The following ALCAM variants were observed in gnomAD, a reference collection of about 807,000 sequenced individuals.
ALCAM encodes the protein activated leukocyte cell adhesion molecule.
Under a neutral mutation model 70.9 loss-of-function variants are expected in ALCAM, and 30 were observed. That is an observed-to-expected ratio of 0.42 (90% CI 0.32 to 0.57). ALCAM has a LOEUF of 0.57. ALCAM is among the 20% of genes least tolerant of loss of function. ALCAM has a pLI of 0.11. For missense variants in ALCAM, 591 were observed against 695.1 expected (o/e 0.85, Z 1.68); for synonymous variants, 249 against 242.5 (o/e 1.03, Z -0.25).
Position 105,576,789 on chromosome 3 carries a change from G to A in ALCAM, c.*2338G>A, listed in dbSNP as rs1940969138. ...TTAACTCTTTGGCAACAGGAAACAG[G>A]TTTTGCAAGTTCAAGGTTCACTCCC... On this transcript the variant is annotated 3_prime_UTR_variant, in exon 16 of 16. Transcript: ENST00000306107. 6.6e-6 allele frequency: 1 copy of A among 152,182 alleles called. No homozygotes were observed. The highest frequency in any genetic ancestry group is 2.4e-5 in the African/African-American group (1 of 41,426). 9.4% of individuals were successfully genotyped at this position (152,182 alleles called of 1,614,324 possible).
chr3:105,411,488 C>T (rs543927103), intron 1 of ALCAM, among the ~76,000 whole-genome samples: 1 of 152,142 alleles, frequency 6.6e-6, no homozygotes, highest in East Asian at 1.9e-4. Context: ...GTAACAATGG[C>T]ATCAGGAGCA....
chr3:105,469,345 A>G (rs1244486442), intron 1 of ALCAM, among the ~76,000 whole-genome samples: 1 of 151,204 alleles, frequency 6.6e-6, no homozygotes, highest in Non-Finnish European at 1.5e-5. Context: ...TACACACAGC[A>G]CTTGTCCTTC....
chr3:105,377,170 A>G (rs2107326446), intron 1 of ALCAM, among the ~76,000 whole-genome samples: 1 of 152,266 alleles, frequency 6.6e-6, no homozygotes, highest in East Asian at 1.9e-4. Context: ...CAGCACCTAT[A>G]GCTCTACCTC....
At chr3:105,480,210 C>T (rs559130631) in intron 1 of ALCAM, among the ~76,000 whole-genome samples, 6 of 152,014 alleles carry the variant, frequency 3.9e-5, no homozygotes, top group East Asian at 1.9e-4. Context: ...ATTAGCCATG[C>T]GTGGTGGCAC....
chr3:105,411,142 T>G (rs1018417242), intron 1 of ALCAM, among the ~76,000 whole-genome samples: 12 of 152,062 alleles, frequency 7.9e-5, no homozygotes, highest in Non-Finnish European at 1.5e-4. Context: ...TCAGGAATAG[T>G]GAAGGGCCAG....
chr3:105,569,240 G>T (rs1286385238), intron 14 of ALCAM, among the ~76,000 whole-genome samples: 1 of 151,544 alleles, frequency 6.6e-6, no homozygotes, highest in Non-Finnish European at 1.5e-5. Flanking sequence ...AAAAGGAGAA[G>T]TAGAAAGAAA....
chr3:105,500,264 G>T (rs1399596085), intron 1 of ALCAM, among the ~76,000 whole-genome samples: 1 of 152,084 alleles, frequency 6.6e-6, no homozygotes, highest in Admixed American at 6.5e-5. Flanking sequence ...AAGCCTGCCT[G>T]CCTTCTTCTT....
At chr3:105,432,085 ATACTC>A (rs913079563) in intron 1 of ALCAM, among the ~76,000 whole-genome samples, 1 of 152,176 alleles carries the variant, frequency 6.6e-6, no homozygotes, top group Non-Finnish European at 1.5e-5. Context: ...AGACATATGA[ATACTC>A]TATTCTTAGA....
At chr3:105,553,078 A>G (rs1180632163) in intron 14 of ALCAM, 30 of 987,478 alleles carry the variant, frequency 3.0e-5, no homozygotes, top group South Asian at 4.6e-5. Context: ...ATAAGAGTCT[A>G]TATCAGAGAA....
In ALCAM at chr3:105,520,059, C is replaced by A. The variant is rs773562291; in HGVS notation, c.74-8C>A. Reference sequence around the variant, plus strand: ...TCTCTCTTCTTCCTTTTTTTTTTTCCCCCAAAGGCCTTGGATGGTATACTG... The same window carrying A: ...TCTCTCTTCTTCCTTTTTTTTTTTCACCCAAAGGCCTTGGATGGTATACTG... On this transcript the variant is annotated splice_region_variant and splice_polypyrimidine_tract_variant and intron_variant, in intron 1 of 15. Coordinates refer to ENST00000306107, the MANE Select transcript of ALCAM (RefSeq NM_001627.4). 3.2e-5 allele frequency: 50 copies of A among 1,551,272 alleles called. No individual in the cohort carries two copies. Among genetic ancestry groups the A allele is most frequent in the Non-Finnish European group, 4.4e-5 (50 of 1,144,602 alleles).
chr3:105,525,306 G>C, intron 3 of ALCAM: 1 of 981,676 alleles, frequency 1.0e-6, no homozygotes, highest in Non-Finnish European at 1.2e-6. Context: ...ATAGCATATA[G>C]TTAATGTTAC....
At chr3:105,373,229 G>A (rs984797561) in intron 1 of ALCAM, among the ~76,000 whole-genome samples, 1 of 152,104 alleles carries the variant, frequency 6.6e-6, no homozygotes, top group Non-Finnish European at 1.5e-5. Context: ...GGATTATGGG[G>A]TTACAGTAAA....
At chr3:105,368,960 C>T (rs930500091) in intron 1 of ALCAM, among the ~76,000 whole-genome samples, 6 of 152,108 alleles carry the variant, frequency 3.9e-5, no homozygotes, top group Admixed American at 2.6e-4. Flanking sequence ...AGTGTAACAA[C>T]GCTGGGGAGG....
At chr3:105,562,415 C>CTGTT (rs1940646395) in intron 14 of ALCAM, among the ~76,000 whole-genome samples, 1 of 152,116 alleles carries the variant, frequency 6.6e-6, no homozygotes, top group Admixed American at 6.6e-5. Flanking sequence ...ATTGTTTACT[C>CTGTT]TGTTAATATA....
At chr3:105,391,452 C>T (rs1490950598) in intron 1 of ALCAM, among the ~76,000 whole-genome samples, 1 of 151,970 alleles carries the variant, frequency 6.6e-6, no homozygotes, top group Non-Finnish European at 1.5e-5. Context: ...ATTTTGTATC[C>T]TGAGACTTTG....
At chr3:105,390,710 C>G (rs1005940966) in intron 1 of ALCAM, among the ~76,000 whole-genome samples, 2 of 151,988 alleles carry the variant, frequency 1.3e-5, no homozygotes, top group African/African-American at 4.8e-5. Context: ...AGATTTTCTT[C>G]TAGGGTTTTT....
rs1452543718 is a variant in ALCAM, at chr3:105,563,645, C to T, written c.1665-8207C>T. Among the ~76,000 whole-genome samples the T allele has an allele frequency of 2.1e-5, 3 of 140,250 alleles. No homozygotes were observed. The Admixed American group carries it at 2.1e-4, about 10-fold the overall frequency. The allele number at this position is 140,250 out of a possible 152,430, so 92.0% of individuals were successfully genotyped here. A position where few individuals can be genotyped will look rare whatever the true frequency, so the allele number is the denominator to read the frequency against. ...CTTCCTTGAAGTCAAGTGACTAGAC[C>T]TGTATGAAATTCCAAGCATTTCTTT... On this transcript the variant is annotated intron_variant, in intron 14 of 15. Coordinates refer to ENST00000306107, the MANE Select transcript of ALCAM (RefSeq NM_001627.4).
chr3:105,529,105 G>A (rs1156258171), intron 3 of ALCAM, among the ~76,000 whole-genome samples: 3 of 152,120 alleles, frequency 2.0e-5, no homozygotes, highest in African/African-American at 7.2e-5. Flanking sequence ...AGCTACCATA[G>A]TGTGGCCCTA....
intron 1 of ALCAM, among the ~76,000 whole-genome samples, chr3:105,426,393 A>G (rs1936791988): frequency 6.6e-6 from 1 of 151,998 alleles, no homozygotes; most frequent in African/African-American, 2.4e-5. Context: ...GGTATGTACC[A>G]TATTTATGGC....
Sources: gnomAD v4.1 joint callset for allele counts (sites outside exome capture counted in the v4.1 genomes callset) on GRCh38, gnomAD v4.1.1 for gene constraint, MANE v1.5 for transcripts, NCBI Gene and HGNC (gene_info 2026-07-23, HGNC 2026-07-21) for gene names.